The following CTNNA2 variants were observed in gnomAD, a reference collection of about 807,000 sequenced individuals.
CTNNA2 encodes catenin alpha-2.
A neutral mutation model predicts 101.0 loss-of-function variants in CTNNA2; 42 were observed. That is an observed-to-expected ratio of 0.42 (90% confidence interval 0.32 to 0.54). CTNNA2 has a LOEUF of 0.54. Ranked by LOEUF, CTNNA2 falls within the 20% of genes least tolerant of loss-of-function variation. The pLI, the probability that CTNNA2 is intolerant of heterozygous loss-of-function variation, is 0.14. For synonymous variants in CTNNA2, 450 were observed against 456.4 expected (o/e 0.99, Z 0.18); for missense variants, 871 against 1,223.1 (o/e 0.71, Z 4.29).
At chr2:80,569,541 G>A (rs535319196) in intron 12 of CTNNA2, among the ~76,000 whole-genome samples, 16 of 150,802 alleles carry the variant, frequency 1.1e-4, no homozygotes, top group South Asian at 6.3e-4. Context: ...GCAATGCTGC[G>A]TTTTGTCCTA....
intron 7 of CTNNA2, among the ~76,000 whole-genome samples, chr2:80,261,972 T>C (rs1558950195): frequency 6.6e-6 from 1 of 152,014 alleles, no homozygotes; most frequent in African/African-American, 2.4e-5. Flanking sequence ...TACTTGCTAG[T>C]CTGTTACTGT....
At chr2:80,425,081 G>A (rs182849398) in intron 9 of CTNNA2, among the ~76,000 whole-genome samples, 13 of 152,236 alleles carry the variant, frequency 8.5e-5, no homozygotes, top group African/African-American at 2.9e-4. Context: ...AGCAAATCCC[G>A]GCGAGGGTGA....
At chr2:79,623,903 T>C (rs1052086672) in intron 1 of CTNNA2, among the ~76,000 whole-genome samples, 1 of 152,196 alleles carries the variant, frequency 6.6e-6, no homozygotes, top group Admixed American at 6.5e-5. Flanking sequence ...AACCAATCTG[T>C]CTCAGACTCA....
At chr2:79,773,093 T>C (rs1186875762) in intron 3 of CTNNA2, among the ~76,000 whole-genome samples, 2 of 152,146 alleles carry the variant, frequency 1.3e-5, no homozygotes, top group East Asian at 1.9e-4. Flanking sequence ...CATCTAGTCA[T>C]GTGGAAACAG....
chr2:80,270,088 GT>G (rs1375919589), intron 7 of CTNNA2, among the ~76,000 whole-genome samples: 1 of 152,174 alleles, frequency 6.6e-6, no homozygotes, highest in East Asian at 1.9e-4. Context: ...AATATAATTT[GT>G]ATTTACATAT....
At chr2:80,442,093 C>T (rs777750138) in intron 9 of CTNNA2, among the ~76,000 whole-genome samples, 1 of 152,178 alleles carries the variant, frequency 6.6e-6, no homozygotes, top group Non-Finnish European at 1.5e-5. Context: ...TATGACAACT[C>T]CTCATTTATT....
intron 7 of CTNNA2, among the ~76,000 whole-genome samples, chr2:80,128,133 C>T (rs886602576): frequency 2.0e-5 from 3 of 151,960 alleles, no homozygotes; most frequent in African/African-American, 7.3e-5. Flanking sequence ...ACAGGAAAAG[C>T]AAATCATGCC....
intron 6 of CTNNA2, among the ~76,000 whole-genome samples, chr2:79,886,521 G>A (rs1683874097): frequency 6.6e-6 from 1 of 151,754 alleles, no homozygotes; most frequent in African/African-American, 2.4e-5. Context: ...GGAGGCCGAG[G>A]CGGGCGGATC....
rs567644840 is a variant in CTNNA2 at position 80,155,396 on chromosome 2, G to A, written c.1057-237815G>A. 4.6e-5 allele frequency among the ~76,000 whole-genome samples: 7 copies of A among 152,282 alleles called. No homozygotes were observed. The South Asian group carries it at 1.4e-3, about 32-fold the overall frequency. On this transcript the variant is annotated intron_variant, in intron 7 of 18. Transcript: ENST00000402739. ...ATGATCAAGCCTAACTTCAATTAAG[G>A]CTGGGAAATACGGGAAAACAAATGG...
intron 3 of CTNNA2, among the ~76,000 whole-genome samples, chr2:79,847,341 G>A (rs567789542): frequency 3.3e-5 from 5 of 151,812 alleles, no homozygotes; most frequent in Admixed American, 6.6e-5. Context: ...TCAGGAGTTC[G>A]AGACCAGCTT....
chr2:79,910,241 C>T (rs1250340613), intron 7 of CTNNA2, among the ~76,000 whole-genome samples: 1 of 152,076 alleles, frequency 6.6e-6, no homozygotes, highest in African/African-American at 2.4e-5. Flanking sequence ...GTTTAAAAAA[C>T]GTGTGGATAG....
intron 7 of CTNNA2, among the ~76,000 whole-genome samples, chr2:79,958,567 G>A (rs1689404322): frequency 6.6e-6 from 1 of 152,104 alleles, no homozygotes; most frequent in Admixed American, 6.6e-5. Flanking sequence ...CCTGGAAAAG[G>A]CAAGGAATTA....
At chr2:79,500,938 T>C (rs1671312487) in intron 4 of CTNNA2, 1 of 152,224 alleles carries the variant, frequency 6.6e-6, no homozygotes, top group African/African-American at 2.4e-5. Flanking sequence ...TTGTCACTTT[T>C]GTTTTCCAAG....
chr2:79,787,358 T>C (rs368959650), intron 3 of CTNNA2, among the ~76,000 whole-genome samples: 15 of 152,078 alleles, frequency 9.9e-5, no homozygotes, highest in African/African-American at 3.6e-4. Context: ...GTGAGTTAGC[T>C]GAGACTTTTT....
intron 4 of CTNNA2, among the ~76,000 whole-genome samples, chr2:79,479,772 A>C (rs995366977): frequency 1.3e-5 from 2 of 151,972 alleles, no homozygotes; most frequent in African/African-American, 2.4e-5. Flanking sequence ...AAAATGAAAA[A>C]ATTAGCTCGG....
intron 4 of CTNNA2, among the ~76,000 whole-genome samples, chr2:79,411,399 T>C (rs1277026114): frequency 6.6e-6 from 1 of 152,022 alleles, no homozygotes; most frequent in African/African-American, 2.4e-5. Context: ...TGTTAGGGTG[T>C]CAATTTTGGA....
intron 7 of CTNNA2, among the ~76,000 whole-genome samples, chr2:80,292,405 T>C (rs1395189023): frequency 6.6e-6 from 1 of 152,148 alleles, no homozygotes; most frequent in African/African-American, 2.4e-5. Flanking sequence ...TAAGTGACCT[T>C]GGGCAAGTTG....
At chr2:80,170,270 A>G (rs1704970867) in intron 7 of CTNNA2, among the ~76,000 whole-genome samples, 1 of 150,990 alleles carries the variant, frequency 6.6e-6, no homozygotes, top group African/African-American at 2.4e-5. Context: ...TGTGGAGTAC[A>G]TCCTTCATAT....
intron 7 of CTNNA2, among the ~76,000 whole-genome samples, chr2:80,310,101 A>G (rs1365078538): frequency 1.3e-5 from 2 of 152,194 alleles, no homozygotes; most frequent in African/African-American, 4.8e-5. Context: ...CACAAATTTT[A>G]ACCTGAAATA....
Sources: gnomAD v4.1 joint callset for allele counts (sites outside exome capture counted in the v4.1 genomes callset) on GRCh38, gnomAD v4.1.1 for gene constraint, MANE v1.5 for transcripts, NCBI Gene and HGNC (gene_info 2026-07-23, HGNC 2026-07-21) for gene names.